The following GOT1 variants were observed in gnomAD, a reference collection of about 807,000 sequenced individuals.
GOT1 encodes glutamic-oxaloacetic transaminase 1, also known as aspartate aminotransferase, cytoplasmic.
In GOT1, 25 loss-of-function variants were observed where a neutral mutation model predicts 48.2. That is an observed-to-expected ratio of 0.52 (90% CI 0.38 to 0.72). The LOEUF (loss-of-function observed/expected upper bound fraction) is 0.72. Ranked by LOEUF, GOT1 falls within the 30% of genes least tolerant of loss-of-function variation. The probability of loss-of-function intolerance (pLI) is 0.00; values close to 1 mark genes in which losing one functional copy is unlikely to be tolerated. For missense variants in GOT1, 380 were observed against 520.1 expected (o/e 0.73, Z 2.62); for synonymous variants, 188 against 193.8 (o/e 0.97, Z 0.25).
chr10:99,397,618 T>G lies in GOT1; in HGVS notation c.1171A>C (p.Ser391Arg), dbSNP rs2032617983. 1 of 1,613,998 alleles carries G rather than the reference T, an allele frequency of 6.2e-7. No individual in the cohort carries two copies. Among genetic ancestry groups the G allele is most frequent in the Non-Finnish European group, 8.5e-7 (1 of 1,179,870 alleles). Residue 391 changes from serine to arginine, a missense_variant, in exon 9 of 9, where the codon AGT becomes CGT. Coordinates refer to ENST00000370508, the MANE Select transcript of GOT1 (RefSeq NM_002079.3). The surrounding 1 kb of genome is among the most constrained non-coding windows in gnomAD (Gnocchi z 5.4). Reference protein sequence around the residue: ...YLLPSGRINVSGLTTKNLDYV... With the variant: ...YLLPSGRINVRGLTTKNLDYV... ...TCTAGATTTTTGGTGGTTAAGCCAC[T>G]CACGTTGATTCGACCACTTGGCAGC... is the stretch of plus-strand genomic sequence containing the variant.
intron 2 of GOT1, among the ~76,000 whole-genome samples, chr10:99,419,014 T>A (rs1564973605): frequency 6.6e-6 from 1 of 152,184 alleles, no homozygotes; most frequent in Non-Finnish European, 1.5e-5. Flanking sequence ...TGGACCTGAG[T>A]CCCAAGACCT....
intron 2 of GOT1, among the ~76,000 whole-genome samples, chr10:99,407,986 CG>C (rs1471772193): frequency 1.3e-5 from 2 of 151,990 alleles, no homozygotes; most frequent in Non-Finnish European, 1.5e-5. Flanking sequence ...GATAGGCCCC[CG>C]TGTGTGATGT....
At chr10:99,423,035 G>A (rs2032991549) in intron 1 of GOT1, among the ~76,000 whole-genome samples, 1 of 152,210 alleles carries the variant, frequency 6.6e-6, no homozygotes, top group South Asian at 2.1e-4. Context: ...TAAGAAGTAT[G>A]TGTTTTTGTA....
In GOT1 at chr10:99,402,512, C is replaced by T. The variant is rs188984277; in HGVS notation, c.1102+68G>A. 2.3e-3 allele frequency: 3,547 copies of T among 1,537,640 alleles called. 6 individuals carry two copies. The highest frequency in any genetic ancestry group is 2.9e-3 in the Middle Eastern group (14 of 4,770). On this transcript the variant is annotated intron_variant, in intron 8 of 8. Transcript: ENST00000370508. The stretch of plus-strand genomic sequence containing the variant: ...CTGTGAAAGTGAGCTCAGCTCAAGG[C>T]GAGCGACTGAAAGGAATGTTGTGTG...
intron 2 of GOT1, among the ~76,000 whole-genome samples, chr10:99,419,981 G>T (rs1445771532): frequency 6.6e-6 from 1 of 152,140 alleles, no homozygotes; most frequent in African/African-American, 2.4e-5. Flanking sequence ...ATACCAGGAA[G>T]CACTTAAATG....
At chr10:99,404,083 A>G (rs1280938788) in intron 5 of GOT1, among the ~76,000 whole-genome samples, 1 of 152,192 alleles carries the variant, frequency 6.6e-6, no homozygotes, top group East Asian at 1.9e-4. Flanking sequence ...TACTTTTTAA[A>G]AGTAAATTGT....
chr10:99,425,088 A>G (rs1173674919), intron 1 of GOT1, among the ~76,000 whole-genome samples: 1 of 152,256 alleles, frequency 6.6e-6, no homozygotes, highest in Non-Finnish European at 1.5e-5. Flanking sequence ...CAAGAAACAC[A>G]GAGCATAGAT....
chr10:99,425,356 T>C (rs970545764), intron 1 of GOT1, among the ~76,000 whole-genome samples: 23 of 152,136 alleles, frequency 1.5e-4, no homozygotes, highest in African/African-American at 4.3e-4. Flanking sequence ...TCAGTTTCAA[T>C]GGGTAACCAC....
intron 2 of GOT1, among the ~76,000 whole-genome samples, chr10:99,416,694 G>A (rs1222925973): frequency 6.6e-6 from 1 of 152,184 alleles, no homozygotes; most frequent in African/African-American, 2.4e-5. Flanking sequence ...CAAGGCTACA[G>A]TAACCAAAAC....
intron 1 of GOT1, among the ~76,000 whole-genome samples, chr10:99,421,552 C>T (rs1258047245): frequency 6.6e-6 from 1 of 152,208 alleles, no homozygotes; most frequent in Non-Finnish European, 1.5e-5. Context: ...TCCTGCTCTA[C>T]AGTAAACCTC....
chr10:99,403,052 T>C (rs2032702079), intron 7 of GOT1, among the ~76,000 whole-genome samples: 2 of 152,232 alleles, frequency 1.3e-5, no homozygotes, highest in Non-Finnish European at 2.9e-5. Flanking sequence ...TAAATAAAGA[T>C]TGCAGATTTA....
chr10:99,412,907 A>G (rs2032845447), intron 2 of GOT1, among the ~76,000 whole-genome samples: 1 of 152,358 alleles, frequency 6.6e-6, no homozygotes, highest in South Asian at 2.1e-4. Flanking sequence ...AAGGATAACT[A>G]ACAAACAGAA....
intron 2 of GOT1, among the ~76,000 whole-genome samples, chr10:99,414,344 G>A (rs1315937010): frequency 6.6e-6 from 1 of 151,978 alleles, no homozygotes; most frequent in Admixed American, 6.6e-5. Context: ...AGATAAAGAA[G>A]GCCATTACAT....
intron 2 of GOT1, among the ~76,000 whole-genome samples, chr10:99,419,720 C>G (rs2032943150): frequency 6.6e-6 from 1 of 152,160 alleles, no homozygotes; most frequent in Non-Finnish European, 1.5e-5. Context: ...GGCCCAGCCA[C>G]AGTATGTTTT....
At chr10:99,429,878 C>G (rs867015505) in intron 1 of GOT1, among the ~76,000 whole-genome samples, 54 of 152,330 alleles carry the variant, frequency 3.5e-4, no homozygotes, top group Middle Eastern at 3.4e-3. Context: ...TCCCCAGACC[C>G]CCCGGGGGCA....
At chr10:99,410,448 C>T (rs530299862) in intron 2 of GOT1, among the ~76,000 whole-genome samples, 53 of 152,284 alleles carry the variant, frequency 3.5e-4, no homozygotes, top group African/African-American at 1.0e-3. Flanking sequence ...CTTTTCACTC[C>T]ACCCTTTCTC....
intron 1 of GOT1, among the ~76,000 whole-genome samples, chr10:99,422,817 C>T (rs544818532): frequency 5.5e-4 from 84 of 152,166 alleles, no homozygotes; most frequent in Non-Finnish European, 9.4e-4. Flanking sequence ...TTTACATTTG[C>T]GCATAGAGAG....
intron 2 of GOT1, among the ~76,000 whole-genome samples, chr10:99,419,695 G>A (rs905114272): frequency 4.6e-5 from 7 of 152,130 alleles, no homozygotes; most frequent in African/African-American, 1.7e-4. Context: ...ACCTGGCCTG[G>A]CATGGGGTCC....
At chr10:99,406,095 T>C in intron 4 of GOT1, 42 bp downstream of exon 4, 2 of 1,335,394 alleles carry the variant, frequency 1.5e-6, no homozygotes, top group Non-Finnish European at 2.2e-6. Context: ...CTGAGATTCC[T>C]GACACCATGC....
Sources: gnomAD v4.1 joint callset for allele counts (sites outside exome capture counted in the v4.1 genomes callset) on GRCh38, gnomAD v4.1.1 for gene constraint, Gnocchi (gnomAD v3.1) non-coding constraint, MANE v1.5 for transcripts, NCBI Gene and HGNC (gene_info 2026-07-23, HGNC 2026-07-21) for gene names.